The following NRXN2 variants were observed in gnomAD, a reference collection of about 807,000 sequenced individuals.
The protein encoded by NRXN2 is neurexin-2-beta.
Under a neutral mutation model 128.8 loss-of-function variants are expected in NRXN2, and 29 were observed. The observed-to-expected ratio is 0.23, with a 90% CI of 0.17 to 0.31. The LOEUF (loss-of-function observed/expected upper bound fraction) is 0.31. Ranked by LOEUF, NRXN2 falls within the 10% of genes least tolerant of loss-of-function variation. The pLI is 1.00. For missense variants in NRXN2, 1,881 were observed against 2,452.6 expected (o/e 0.77, Z 4.92); for synonymous variants, 1,098 against 1,075.2 (o/e 1.02, Z -0.41).
intron 6 of NRXN2, among the ~76,000 whole-genome samples, chr11:64,681,354 G>A (rs1447784444): frequency 1.3e-5 from 2 of 152,198 alleles, no homozygotes; most frequent in Non-Finnish European, 2.9e-5. Context: ...TTACCACCTA[G>A]AAGTACAGAT....
intron 19 of NRXN2, among the ~76,000 whole-genome samples, chr11:64,629,528 T>C (rs534321451): frequency 6.6e-6 from 1 of 152,302 alleles, no homozygotes; most frequent in South Asian, 2.1e-4. Context: ...GCTCTGTCTC[T>C]GCCTCCCTCA....
rs1034366828 is a variant in NRXN2, at chr11:64,606,951, T to A, written c.*245A>T. ...AACCCAGGGCTGTGAGCACGTGCCCTGCCTGGCAGGCGCAGAGCTGAGAGG... is the reference window on the plus strand; with the variant it reads ...AACCCAGGGCTGTGAGCACGTGCCCAGCCTGGCAGGCGCAGAGCTGAGAGG... On this transcript the variant is annotated 3_prime_UTR_variant, in exon 23 of 23. Transcript: ENST00000265459. The A allele has an allele frequency of 1.4e-5, 8 of 554,950 alleles. No homozygotes were observed. The highest frequency in any genetic ancestry group is 2.3e-5 in the Non-Finnish European group (7 of 310,612). 34.4% of individuals were successfully genotyped at this position (554,950 alleles called of 1,614,324 possible).
chr11:64,615,594 T>C (rs764574574), intron 22 of NRXN2, among the ~76,000 whole-genome samples: 8 of 152,220 alleles, frequency 5.3e-5, no homozygotes, highest in African/African-American at 1.9e-4. Flanking sequence ...TACATGGGCC[T>C]GGGTGAATCT....
intron 7 of NRXN2, chr11:64,675,316 A>G (rs930712772): frequency 6.6e-6 from 1 of 152,322 alleles, no homozygotes; most frequent in Admixed American, 6.5e-5. Flanking sequence ...GGCCATGGGC[A>G]CTAGTCTATA....
intron 11 of NRXN2, among the ~76,000 whole-genome samples, chr11:64,657,352 G>A (rs1298203498): frequency 1.3e-5 from 2 of 152,198 alleles, no homozygotes; most frequent in South Asian, 2.1e-4. Flanking sequence ...GGGACCCCAT[G>A]GGCACACCTA....
At chr11:64,720,307 C>T (rs546645116) in intron 1 of NRXN2, among the ~76,000 whole-genome samples, 70 of 152,308 alleles carry the variant, frequency 4.6e-4, no homozygotes, top group African/African-American at 1.5e-3. Flanking sequence ...GGGGCAGGGG[C>T]GAGGGAGCTG....
In NRXN2 at chr11:64,660,669, CAGGGATGGAA is replaced by C. The variant is rs1229208509; in HGVS notation, c.2185+74_2185+83del. 1.3e-6 allele frequency: 2 copies of C among 1,598,948 alleles called. No homozygotes were observed. The highest frequency in any genetic ancestry group is 4.5e-5 in the East Asian group (2 of 44,846). On this transcript the variant is annotated intron_variant, in intron 10 of 22. Coordinates refer to ENST00000265459, the MANE Select transcript of NRXN2 (RefSeq NM_015080.4). The surrounding 1 kb of genome is among the most constrained non-coding windows in gnomAD (Gnocchi z 5.2). ...GGGGTTCCCCTAGGAGGAGGTGGCACAGGGATGGAAAGTAGGAGTCACCCTGAGAAGGAGG... is the reference window on the plus strand; with the variant it reads ...GGGGTTCCCCTAGGAGGAGGTGGCACAGTAGGAGTCACCCTGAGAAGGAGG...
intron 8 of NRXN2, among the ~76,000 whole-genome samples, chr11:64,668,235 T>C (rs777753269): frequency 1.8e-4 from 28 of 152,146 alleles, no homozygotes; most frequent in African/African-American, 3.1e-4. Context: ...TCTATGAGGA[T>C]AGGGGTTTCC....
At position 64,627,115 on chromosome 11, in the gene NRXN2, C is replaced by G. The variant is rs563984047; in HGVS notation, c.3758-563G>C. 2.5e-3 allele frequency among the ~76,000 whole-genome samples: 388 copies of G among 152,172 alleles called. 1 individual carries two copies. Among genetic ancestry groups the G allele is most frequent in the Admixed American group, 5.2e-3 (80 of 15,308 alleles). On this transcript the variant is annotated intron_variant, in intron 19 of 22. Transcript: ENST00000265459. ...AGGCCACCTCAACTCCCTTTGCCTT[C>G]GTGCTCCACTCCCAGCTTCCCCTCA...
At chr11:64,673,179 A>G (rs1470316924) in intron 7 of NRXN2, among the ~76,000 whole-genome samples, 2 of 152,226 alleles carry the variant, frequency 1.3e-5, no homozygotes, top group Non-Finnish European at 2.9e-5. Context: ...CTTGCAGTCC[A>G]GGCATTCAAG....
intron 3 of NRXN2, among the ~76,000 whole-genome samples, chr11:64,695,661 C>A (rs574205109): frequency 1.3e-5 from 2 of 152,192 alleles, no homozygotes; most frequent in African/African-American, 4.8e-5. Flanking sequence ...GACACACAAG[C>A]AGGCACACAG....
In NRXN2 at chr11:64,667,364, G is replaced by C. The variant is rs770006226; in HGVS notation, c.1684C>G (p.His562Asp). 6.2e-7 allele frequency: 1 copy of C among 1,614,198 alleles called. No homozygotes were observed. Among genetic ancestry groups the C allele is most frequent in the Non-Finnish European group, 8.5e-7 (1 of 1,180,040 alleles). Reference protein sequence around the residue: ...DYFAMELLDGHLYLLLDMGSG... With the variant: ...DYFAMELLDGDLYLLLDMGSG... Reference sequence around the variant, plus strand: ...CCCATGTCCAGCAGAAGATAGAGGTGGCCGTCCAATAGCTCCATGGCAAAG... The same window carrying C: ...CCCATGTCCAGCAGAAGATAGAGGTCGCCGTCCAATAGCTCCATGGCAAAG... Residue 562 changes from histidine (H) to aspartate (D), a missense_variant, in exon 9 of 23, where the codon CAC (histidine) becomes GAC (aspartate). Around this residue, in one of 7 missense-constraint regions of NRXN2, gnomAD observed 997 missense variants for 1,240.8 expected, o/e 0.80. Transcript: ENST00000265459. This position sits in a 1 kb window ranked among gnomAD's most constrained non-coding sequence, Gnocchi z 5.6.
At position 64,630,952 on chromosome 11, in the gene NRXN2, G is replaced by C. The variant is rs922930179; in HGVS notation, c.3586-379C>G. The stretch of plus-strand genomic sequence containing the variant: ...GCATGGAGGGCAGAGGCCTCTCTAA[G>C]GCAAGATCAGCAGAGAAGTCCACAG... On this transcript the variant is annotated intron_variant, in intron 18 of 22. Coordinates refer to ENST00000265459, the MANE Select transcript of NRXN2 (RefSeq NM_015080.4). This position sits in a 1 kb window ranked among gnomAD's most constrained non-coding sequence, Gnocchi z 4.6. Among the ~76,000 whole-genome samples the C allele has an allele frequency of 2.0e-5, 3 of 152,200 alleles. No homozygotes were observed. The highest frequency in any genetic ancestry group is 2.0e-4 in the Admixed American group (3 of 15,294).
rs1436559323 is a variant in NRXN2, at chr11:64,714,315, C to G, written c.-244-372G>C. 6.6e-6 allele frequency among the ~76,000 whole-genome samples: 1 copy of G among 152,130 alleles called. No homozygotes were observed. The highest frequency in any genetic ancestry group is 6.5e-5 in the Admixed American group (1 of 15,274). ...TGGGAACTCTCCTCCGCCTGGTGAC[C>G]CCAGCCCCTTCTCTGAACCGCCCAG... On this transcript the variant is annotated intron_variant, in intron 1 of 22. Transcript: ENST00000265459. The surrounding 1 kb of genome is among the most constrained non-coding windows in gnomAD (Gnocchi z 4.5).
Position 64,622,400 on chromosome 11 carries a change from G to T in NRXN2, c.4173+353C>A, listed in dbSNP as rs866766278. On this transcript the variant is annotated intron_variant, in intron 21 of 22. Coordinates refer to ENST00000265459, the MANE Select transcript of NRXN2 (RefSeq NM_015080.4). This position sits in a 1 kb window ranked among gnomAD's most constrained non-coding sequence, Gnocchi z 4.3. ...AACGCTAGGCATGGCCTTCACTGGG[G>T]AAGCAGAAGGAGCCATCCTACTCTC... Among the ~76,000 whole-genome samples, 32 of 152,194 alleles carry T rather than the reference G, an allele frequency of 2.1e-4. No homozygotes were observed. Among genetic ancestry groups the T allele is most frequent in the African/African-American group, 7.2e-4 (30 of 41,430 alleles).
intron 7 of NRXN2, among the ~76,000 whole-genome samples, chr11:64,673,109 G>A (rs1482597668): frequency 1.3e-5 from 2 of 152,168 alleles, no homozygotes; most frequent in Non-Finnish European, 2.9e-5. Context: ...CCTAGGCAAG[G>A]TGCTTTCTCT....
chr11:64,683,132 G>A (rs768861352), intron 6 of NRXN2, among the ~76,000 whole-genome samples: 1 of 152,142 alleles, frequency 6.6e-6, no homozygotes, highest in Non-Finnish European at 1.5e-5. Flanking sequence ...AAAATAACCT[G>A]GAAGCCACAG....
At chr11:64,668,206 C>T (rs1364859695) in intron 8 of NRXN2, among the ~76,000 whole-genome samples, 4 of 152,204 alleles carry the variant, frequency 2.6e-5, no homozygotes, top group African/African-American at 4.8e-5. Context: ...CTCTGTACCA[C>T]AGCTGCCTTT....
At chr11:64,641,166 G>A (rs1035555770) in intron 17 of NRXN2, among the ~76,000 whole-genome samples, 2 of 151,996 alleles carry the variant, frequency 1.3e-5, no homozygotes, top group African/African-American at 4.8e-5. Context: ...GAAGAGAGAG[G>A]GGCACAGAGA....
Sources: allele counts gnomAD v4.1 joint callset (sites outside exome capture counted in the v4.1 genomes callset), GRCh38; gene constraint gnomAD v4.1.1; regional missense constraint gnomAD v4.1.1; non-coding constraint Gnocchi (gnomAD v3.1); transcripts MANE v1.5; gene names NCBI Gene and HGNC (gene_info 2026-07-23, HGNC 2026-07-21).